PPIH: variants seen among roughly 807,000 people sequenced by gnomAD.
PPIH encodes the protein peptidylprolyl isomerase H, also known as peptidyl-prolyl cis-trans isomerase H.
In PPIH, 16 loss-of-function variants were observed where a neutral mutation model predicts 27.6. That is an observed-to-expected ratio of 0.58 (90% CI 0.39 to 0.88). PPIH has a LOEUF of 0.88. PPIH is among the 40% of genes least tolerant of loss of function. The pLI is 0.00. For missense variants in PPIH, 155 were observed against 224.1 expected, an observed-to-expected ratio of 0.69 and a Z score of 1.97; for synonymous variants, 63 against 76.1, an observed-to-expected ratio of 0.83 and a Z score of 0.90.
downstream of PPIH, among the ~76,000 whole-genome samples, chr1:42,678,345 A>G (rs967402930): frequency 2.0e-5 from 3 of 152,244 alleles, no homozygotes; most frequent in Middle Eastern, 3.4e-3. Flanking sequence ...GACAGTTTCA[A>G]TGCATGGTGG....
intron 6 of PPIH, among the ~76,000 whole-genome samples, chr1:42,665,169 T>G (rs1649260041): frequency 6.6e-6 from 1 of 151,378 alleles, no homozygotes; most frequent in African/African-American, 2.4e-5. Flanking sequence ...TTTGGGAGGC[T>G]GAGGCAGGTG....
At chr1:42,670,274 A>G (rs1466398988) in intron 9 of PPIH, among the ~76,000 whole-genome samples, 1 of 152,094 alleles carries the variant, frequency 6.6e-6, no homozygotes, top group Non-Finnish European at 1.5e-5. Context: ...TCCCTCTTCA[A>G]TGGCTGCTGG....
intron 5 of PPIH, 121 bp downstream of exon 5, chr1:42,661,025 T>C (rs1557510595): frequency 1.1e-6 from 1 of 890,560 alleles, no homozygotes; most frequent in East Asian, 2.6e-5. Context: ...CCAGGTTTGA[T>C]GTGGGTGTTG....
At chr1:42,668,634 G>T (rs1332288085) in intron 9 of PPIH, among the ~76,000 whole-genome samples, 1 of 151,956 alleles carries the variant, frequency 6.6e-6, no homozygotes, top group East Asian at 1.9e-4. Context: ...ATTTCATTTG[G>T]TTTACACAAG....
At chr1:42,659,704 GATTT>G (rs1174104904) in intron 4 of PPIH, 138 bp downstream of exon 4, 2 of 1,318,496 alleles carry the variant, frequency 1.5e-6, no homozygotes, top group African/African-American at 1.5e-5. Flanking sequence ...AACAACTGAA[GATTT>G]ATTAAATGTT....
intron 5 of PPIH, 109 bp from the exon 6 acceptor site, chr1:42,664,754 G>GT (rs1649238644): frequency 8.6e-6 from 7 of 818,076 alleles, no homozygotes; most frequent in Non-Finnish European, 1.1e-5. Flanking sequence ...ACCAACAAGA[G>GT]TAAGAGTAGA....
intron 4 of PPIH, 145 bp from the exon 5 acceptor site, chr1:42,660,717 A>G (rs1267897006): frequency 2.9e-6 from 2 of 681,132 alleles, no homozygotes; most frequent in African/African-American, 1.9e-5. Flanking sequence ...GGCGTGAGCT[A>G]CCGCACCCAG....
chr1:42,660,916 T>G lies in PPIH; in HGVS notation c.243+12T>G. 1 of 1,604,166 alleles carries G rather than the reference T, an allele frequency of 6.2e-7. No individual in the cohort carries two copies. Among genetic ancestry groups the G allele is most frequent in the African/African-American group, 1.3e-5 (1 of 74,758 alleles). ...GAGATTTTGTTAATGTAAGTACTAT[T>G]CCTTTCCTATCAAAGACCCGTAGTT... On this transcript the variant is annotated intron_variant, in intron 5 of 9. Coordinates refer to ENST00000304979, the MANE Select transcript of PPIH (RefSeq NM_006347.4).
intron 6 of PPIH, 42 bp from the exon 7 acceptor site, chr1:42,665,938 T>G (rs1649307353): frequency 3.2e-6 from 5 of 1,544,092 alleles, no homozygotes; most frequent in African/African-American, 1.4e-5. Context: ...TCAGCTAACA[T>G]GGCCGGGGAA....
At chr1:42,676,327 G>C (rs996520005) in intron 9 of PPIH, among the ~76,000 whole-genome samples, 5 of 152,118 alleles carry the variant, frequency 3.3e-5, no homozygotes, top group African/African-American at 1.2e-4. Flanking sequence ...AATTGGCTGG[G>C]TGTGGTGGCA....
chr1:42,659,351 G>T (rs1648869332), intron 3 of PPIH, 100 bp downstream of exon 3: 1 of 1,614,068 alleles, frequency 6.2e-7, no homozygotes. Flanking sequence ...TTGAATGATT[G>T]CTGGTGACAG....
At chr1:42,670,905 C>G (rs1210866875) in intron 9 of PPIH, among the ~76,000 whole-genome samples, 2 of 152,258 alleles carry the variant, frequency 1.3e-5, no homozygotes, top group East Asian at 1.9e-4. Context: ...AAGCAATTCT[C>G]CTGCCTCAGC....
Position 42,659,227 on chromosome 1 carries a change from G to C in PPIH, c.132-1G>C, listed in dbSNP as rs1648859532. On this transcript the variant is annotated splice_acceptor_variant, in intron 2 of 9. Coordinates refer to ENST00000304979, the MANE Select transcript of PPIH (RefSeq NM_006347.4). LOFTEE classifies it high-confidence loss of function. ...AATCATTCATTTTTTGTCCCTTTCA[G>C]GCAGTTCTGCACCGGAGAATTCAGG... 6.2e-7 allele frequency: 1 copy of C among 1,613,960 alleles called. No individual in the cohort carries two copies. The highest frequency in any genetic ancestry group is 8.5e-7 in the Non-Finnish European group (1 of 1,180,002).
intron 6 of PPIH, 109 bp downstream of exon 6, chr1:42,665,064 C>A: frequency 1.1e-6 from 1 of 939,042 alleles, no homozygotes; most frequent in Non-Finnish European, 1.7e-6. Flanking sequence ...CCTTCTCTTG[C>A]TTGGCCCAGG....
intron 9 of PPIH, among the ~76,000 whole-genome samples, chr1:42,670,180 C>T (rs1649553105): frequency 6.6e-6 from 1 of 152,186 alleles, no homozygotes; most frequent in Non-Finnish European, 1.5e-5. Flanking sequence ...TCTTGTTCAG[C>T]CAGATGATCC....
chr1:42,661,191 T>C lies in PPIH; in HGVS notation c.243+287T>C, dbSNP rs142309354. Among the ~76,000 whole-genome samples, 231 of 152,342 alleles carry C rather than the reference T, an allele frequency of 1.5e-3. 1 individual carries two copies. The highest frequency in any genetic ancestry group is 5.2e-3 in the African/African-American group (218 of 41,574). ...ACTTTTTAAGAATACCTATAGATGATCTATGATAGGTTCACACTAATTAGT... is the reference window on the plus strand; with the variant it reads ...ACTTTTTAAGAATACCTATAGATGACCTATGATAGGTTCACACTAATTAGT... On this transcript the variant is annotated intron_variant, in intron 5 of 9. Transcript: ENST00000304979.
downstream of PPIH, among the ~76,000 whole-genome samples, chr1:42,680,919 T>C (rs138814528): frequency 1.3e-5 from 2 of 152,178 alleles, no homozygotes; most frequent in African/African-American, 4.8e-5. Context: ...AAGCAATTGG[T>C]GATGATGGCC....
chr1:42,675,408 A>C (rs940747577), intron 9 of PPIH: 2 of 152,242 alleles, frequency 1.3e-5, no homozygotes, highest in African/African-American at 4.8e-5. Flanking sequence ...CACTTGGTTC[A>C]TCTCTCCACT....
chr1:42,670,725 A>G (rs74068498), intron 9 of PPIH, among the ~76,000 whole-genome samples: 7,739 of 152,256 alleles, frequency 0.051, 297 homozygotes, highest in African/African-American at 0.098. Flanking sequence ...TACCAGCCCC[A>G]TGTGACAACG....
Sources: gnomAD v4.1 joint callset for allele counts (sites outside exome capture counted in the v4.1 genomes callset) on GRCh38, gnomAD v4.1.1 for gene constraint, MANE v1.5 for transcripts, NCBI Gene and HGNC (gene_info 2026-07-23, HGNC 2026-07-21) for gene names.